Variants in RET observed in about 807,000 individuals in gnomAD.
RET encodes the protein ret proto-oncogene, also known as proto-oncogene tyrosine-protein kinase receptor Ret.
Under a neutral mutation model 118.3 loss-of-function variants are expected in RET, and 19 were observed. The observed-to-expected ratio is 0.16, with a 90% CI of 0.11 to 0.24. The LOEUF (loss-of-function observed/expected upper bound fraction) is 0.24, where lower values mean the gene tolerates loss of function less well. RET is among the 10% of genes least tolerant of loss of function. RET has a pLI of 1.00. For missense variants in RET, 1,219 were observed against 1,502.1 expected, an observed-to-expected ratio of 0.81 and a Z score of 3.12; for synonymous variants, 597 against 644.1, an observed-to-expected ratio of 0.93 and a Z score of 1.11.
rs929752309 is a variant in RET at position 43,111,891 on chromosome 10, T to C, written c.1523-208T>C. ...CCTCCTGTACTTACCCCAGCCCAGG[T>C]GACCCCTGCTTTGTGACCATGATGT... On this transcript the variant is annotated intron_variant, in intron 7 of 19. Coordinates refer to ENST00000355710, the MANE Select transcript of RET (RefSeq NM_020975.6). Among the ~76,000 whole-genome samples the C allele has an allele frequency of 4.6e-5, 7 of 152,218 alleles. No individual in the cohort carries two copies. The East Asian group carries it at 5.8e-4, about 13-fold the overall frequency.
chr10:43,120,440 T>C (rs1347740947), intron 15 of RET, among the ~76,000 whole-genome samples: 3 of 152,226 alleles, frequency 2.0e-5, no homozygotes, highest in Non-Finnish European at 4.4e-5. Flanking sequence ...CCTGGCAGCA[T>C]ACTGACCCGA....
At chr10:43,108,511 A>G (rs538953479) in intron 5 of RET, among the ~76,000 whole-genome samples, 2 of 152,316 alleles carry the variant, frequency 1.3e-5, no homozygotes, top group African/African-American at 4.8e-5. Flanking sequence ...AGGGCCTAAT[A>G]AGGCAAGTCC....
chr10:43,118,620 A>G (rs1205741132), intron 13 of RET, 140 bp downstream of exon 13: 11 of 747,258 alleles, frequency 1.5e-5, no homozygotes, highest in Non-Finnish European at 2.3e-5. Context: ...AGCCTGGCTC[A>G]GGCCCCAGCC....
chr10:43,123,044 C>T (rs2132997720), intron 16 of RET, among the ~76,000 whole-genome samples: 1 of 152,330 alleles, frequency 6.6e-6, no homozygotes, highest in African/African-American at 2.4e-5. Flanking sequence ...CATTGGACCA[C>T]ACCGCCCAGT....
intron 1 of RET, among the ~76,000 whole-genome samples, chr10:43,092,163 G>A (rs963520261): frequency 2.0e-4 from 31 of 152,048 alleles, no homozygotes; most frequent in African/African-American, 7.0e-4. Flanking sequence ...CTTTAAAAAG[G>A]AAAAAAAATT....
intron 13 of RET, among the ~76,000 whole-genome samples, 192 bp downstream of exon 13, chr10:43,118,672 T>C (rs1838131845): frequency 6.6e-6 from 1 of 152,348 alleles, no homozygotes; most frequent in African/African-American, 2.4e-5. Context: ...GAGTGGTCAC[T>C]TTCCATCAGA....
intron 3 of RET, 158 bp from the exon 4 acceptor site, chr10:43,104,794 G>T: frequency 8.8e-7 from 1 of 1,135,466 alleles, no homozygotes; most frequent in Non-Finnish European, 1.2e-6. Context: ...GCAAACTCGT[G>T]CTCCGAGCGC....
intron 1 of RET, among the ~76,000 whole-genome samples, chr10:43,077,797 C>T (rs891528700): frequency 1.3e-5 from 2 of 152,338 alleles, no homozygotes; most frequent in Non-Finnish European, 2.9e-5. Context: ...AGCGTCCGTG[C>T]GTTCCTCCCC....
intron 3 of RET, among the ~76,000 whole-genome samples, chr10:43,103,832 C>T (rs568930216): frequency 2.0e-4 from 31 of 152,342 alleles, no homozygotes; most frequent in African/African-American, 7.0e-4. Context: ...TTCCCACATA[C>T]GTAATTCATG....
chr10:43,129,517 G>C lies in RET; in HGVS notation c.*1248G>C, dbSNP rs905041974. 2.1e-5 allele frequency: 5 copies of C among 235,816 alleles called. No individual in the cohort carries two copies. Among genetic ancestry groups the C allele is most frequent in the East Asian group, 6.0e-5 (1 of 16,648 alleles). 14.6% of individuals were successfully genotyped at this position (235,816 alleles called of 1,614,324 possible). On this transcript the variant is annotated 3_prime_UTR_variant, in exon 20 of 20. Coordinates refer to ENST00000355710, the MANE Select transcript of RET (RefSeq NM_020975.6). ...TCTTCATTGCTTGTTTGTGGTCACA[G>C]ATGCACAACACTCCTCCAGTCTTGT...
intron 18 of RET, 89 bp downstream of exon 18, chr10:43,125,071 T>G: frequency 8.3e-7 from 1 of 1,205,358 alleles, no homozygotes; most frequent in Non-Finnish European, 1.2e-6. Flanking sequence ...GCCCTCAGAG[T>G]TCCCAGTGTG....
Position 43,128,271 on chromosome 10 carries a change from A to G in RET, c.*2A>G. ...TTAATGGACACGTTTGATAGTTAAC[A>G]TTTCTTTGTGAAAGGTAATGGACTC... On this transcript the variant is annotated 3_prime_UTR_variant, in exon 20 of 20. Coordinates refer to ENST00000355710, the MANE Select transcript of RET (RefSeq NM_020975.6). The G allele has an allele frequency of 6.2e-7, 1 of 1,614,152 alleles. No individual in the cohort carries two copies. The highest frequency in any genetic ancestry group is 8.5e-7 in the Non-Finnish European group (1 of 1,180,000).
In RET at chr10:43,124,909, A is replaced by C. The variant is rs1279354014; in HGVS notation, c.2966A>C (p.Lys989Thr). 6.2e-7 allele frequency: 1 copy of C among 1,614,200 alleles called. No individual in the cohort carries two copies. The highest frequency in any genetic ancestry group is 8.5e-7 in the Non-Finnish European group (1 of 1,180,042). The change falls in exon 18 of 20, where the codon AAG (lysine) becomes ACG (threonine). Residue 989 changes from lysine (K) to threonine (T), a missense_variant. Physicochemically the swap from Lys to Thr is moderately conservative, Grantham distance 78. Coordinates refer to ENST00000355710, the MANE Select transcript of RET (RefSeq NM_020975.6). ...TACCGCCTGATGCTGCAATGCTGGA[A>C]GCAGGAGCCGGACAAAAGGCCGGTG... ...EMYRLMLQCW[K>T]QEPDKRPVFA...
intron 1 of RET, among the ~76,000 whole-genome samples, chr10:43,081,767 G>A (rs972310783): frequency 1.3e-5 from 2 of 152,190 alleles, no homozygotes; most frequent in Admixed American, 6.5e-5. Flanking sequence ...GCCCACCAGA[G>A]CCCCTCTGGC....
intron 18 of RET, among the ~76,000 whole-genome samples, chr10:43,125,816 T>C (rs897342468): frequency 6.6e-6 from 1 of 152,204 alleles, no homozygotes. Context: ...TAGGACCCCA[T>C]AGGAAAACTT....
rs555996173 is a variant in RET, at chr10:43,100,207, C to T, written c.74-252C>T. On this transcript the variant is annotated intron_variant, in intron 1 of 19. Transcript: ENST00000355710. ...AGTCTGTATGGTTCAGGTGCCCTTC[C>T]GGCTTGGATGATTGAGAATAGGCTT... 5.9e-5 allele frequency among the ~76,000 whole-genome samples: 9 copies of T among 152,286 alleles called. No homozygotes were observed. The South Asian group carries it at 1.2e-3, about 21-fold the overall frequency.
intron 19 of RET, chr10:43,127,473 T>C (rs1838361029): frequency 1.9e-6 from 2 of 1,045,036 alleles, no homozygotes; most frequent in Non-Finnish European, 2.3e-6. Flanking sequence ...CCAAAACTCC[T>C]TCTTTTGTCT....
chr10:43,110,244 C>G (rs1837886139), intron 6 of RET, among the ~76,000 whole-genome samples: 1 of 152,218 alleles, frequency 6.6e-6, no homozygotes. Flanking sequence ...GGGCCTGAAT[C>G]CCAGTCCAGC....
chr10:43,077,131 C>G lies in RET; in HGVS notation c.-128C>G. The G allele has an allele frequency of 8.7e-6, 11 of 1,261,344 alleles. No individual in the cohort carries two copies. Among genetic ancestry groups the G allele is most frequent in the Non-Finnish European group, 1.1e-5 (11 of 991,078 alleles). The allele number at this position is 1,261,344 out of a possible 1,614,324, so 78.1% of individuals were successfully genotyped here. Reference sequence around the variant, plus strand: ...GTGCCCCGGAACGTGCGTCGCGCCCCCAGTGTCCGTCGCGTCCGCCGCGCC... The same window carrying G: ...GTGCCCCGGAACGTGCGTCGCGCCCGCAGTGTCCGTCGCGTCCGCCGCGCC... On this transcript the variant is annotated 5_prime_UTR_variant, in exon 1 of 20. Coordinates refer to ENST00000355710, the MANE Select transcript of RET (RefSeq NM_020975.6).
Sources: gnomAD v4.1 joint callset for allele counts (sites outside exome capture counted in the v4.1 genomes callset) on GRCh38, gnomAD v4.1.1 for gene constraint, MANE v1.5 for transcripts, NCBI Gene and HGNC (gene_info 2026-07-23, HGNC 2026-07-21) for gene names.